The following VGLL4 variants were observed in gnomAD, a reference collection of about 807,000 sequenced individuals.
The protein encoded by VGLL4 is transcription cofactor vestigial-like protein 4.
Under a neutral mutation model 21.0 loss-of-function variants are expected in VGLL4, and 7 were observed. The observed-to-expected ratio is 0.33, with a 90% CI of 0.19 to 0.63. The LOEUF (loss-of-function observed/expected upper bound fraction) is 0.63, where lower values mean the gene tolerates loss of function less well. Ranked by LOEUF, VGLL4 falls within the 20% of genes least tolerant of loss-of-function variation. The probability of loss-of-function intolerance (pLI) is 0.78; values close to 1 mark genes in which losing one functional copy is unlikely to be tolerated. For missense variants in VGLL4, 394 were observed against 425.7 expected, an observed-to-expected ratio of 0.93 and a Z score of 0.66; for synonymous variants, 222 against 173.2, an observed-to-expected ratio of 1.28 and a Z score of -2.21.
intron 1 of VGLL4, 35 bp from the exon 2 acceptor site, chr3:11,602,057 G>T: frequency 6.7e-7 from 1 of 1,482,890 alleles, no homozygotes; most frequent in South Asian, 1.4e-5. Context: ...CACTAAGCAG[G>T]AGAAAGGCCC....
chr3:11,660,517 C>A (rs2076023073), intron 2 of VGLL4, among the ~76,000 whole-genome samples: 1 of 152,200 alleles, frequency 6.6e-6, no homozygotes, highest in Admixed American at 6.5e-5. Flanking sequence ...TCTACCCTTT[C>A]TGTTGGATTC....
intron 2 of VGLL4, among the ~76,000 whole-genome samples, chr3:11,663,876 T>C (rs575623002): frequency 1.3e-5 from 2 of 152,306 alleles, no homozygotes; most frequent in East Asian, 3.9e-4. Flanking sequence ...GAAAACACAT[T>C]TGTCATTTCT....
chr3:11,567,515 C>T lies in VGLL4; in HGVS notation c.273-2496G>A, dbSNP rs2073592466. 2.6e-5 allele frequency among the ~76,000 whole-genome samples: 4 copies of T among 152,306 alleles called. No individual in the cohort carries two copies. In the South Asian group the frequency reaches 6.2e-4, roughly 24 times the overall value. On this transcript the variant is annotated intron_variant, in intron 2 of 4. Coordinates refer to ENST00000430365, the MANE Select transcript of VGLL4 (RefSeq NM_001128219.3). ...GAGTCTAGATAGTAGGTTCCATCCA[C>T]GCCACACACATCCTGGCGATTTTCA...
At chr3:11,563,768 T>C (rs185218974) in intron 3 of VGLL4, among the ~76,000 whole-genome samples, 1 of 152,276 alleles carries the variant, frequency 6.6e-6, no homozygotes, top group African/African-American at 2.4e-5. Context: ...TGCCATTTTG[T>C]TAAATGGATG....
At position 11,714,077 on chromosome 3, in the gene VGLL4, A is replaced by T. The variant is rs549082675; in HGVS notation, c.-14+6317T>A. ...GGTTATTGTAATACAGTTTGGTATC[A>T]GTGTAAACTATACAAATGCACAGAC... On this transcript the variant is annotated intron_variant, in intron 1 of 5. Transcript: ENST00000273038. 4.6e-5 allele frequency among the ~76,000 whole-genome samples: 7 copies of T among 152,334 alleles called. No homozygotes were observed. In the South Asian group the frequency reaches 6.2e-4, roughly 14 times the overall value.
rs183931708 is a variant in VGLL4, at chr3:11,658,057, C to T, written c.64+44914G>A. ...GGCGATCCTCCAACCTCTCAGTCTC[C>T]GGAGCAGCTGATACTACAAATGTGC... is the stretch of plus-strand genomic sequence containing the variant. On this transcript the variant is annotated intron_variant, in intron 2 of 5. Coordinates refer to the VGLL4 transcript ENST00000273038. Among the ~76,000 whole-genome samples the T allele has an allele frequency of 8.6e-5, 13 of 152,040 alleles. No homozygotes were observed. In the East Asian group the frequency reaches 1.4e-3, roughly 16 times the overall value.
intron 2 of VGLL4, 35 bp downstream of exon 2, chr3:11,601,798 C>A (rs754942164): frequency 6.2e-7 from 1 of 1,609,564 alleles, no homozygotes. Flanking sequence ...CAGCACGGAG[C>A]ACCCTTAAGC....
At chr3:11,626,596 G>C in intron 1 of VGLL4, 1 of 308,904 alleles carries the variant, frequency 3.2e-6, no homozygotes, top group Non-Finnish European at 6.5e-6. Context: ...AAGAGCTATG[G>C]TTATCCCACC....
intron 2 of VGLL4, among the ~76,000 whole-genome samples, chr3:11,701,144 G>C (rs1188585517): frequency 6.6e-6 from 1 of 152,114 alleles, no homozygotes; most frequent in Admixed American, 6.5e-5. Flanking sequence ...TGGAAGCAAG[G>C]CCTAGTATGA....
chr3:11,638,457 C>G (rs1365281684), intron 1 of VGLL4, among the ~76,000 whole-genome samples: 1 of 152,130 alleles, frequency 6.6e-6, no homozygotes, highest in Non-Finnish European at 1.5e-5. Flanking sequence ...GCCAGGCCAG[C>G]TCTCTCGCAG....
Position 11,684,730 on chromosome 3 carries a change from C to CTGTGTGTGTGTGTGTGTG in VGLL4, c.64+18223_64+18240dup, listed in dbSNP as rs61220485. Among the ~76,000 whole-genome samples, 1,011 of 148,764 alleles carry CTGTGTGTGTGTGTGTGTG rather than the reference C, an allele frequency of 6.8e-3. 8 individuals carry two copies. The highest frequency in any genetic ancestry group is 9.2e-3 in the Non-Finnish European group (620 of 67,276). On this transcript the variant is annotated intron_variant, in intron 2 of 5. Coordinates refer to the VGLL4 transcript ENST00000273038. Reference sequence around the variant, plus strand: ...ACTGGCCAACTGTTTCAACCTTTTTCTGTGTGTGTGTGTGTGTGTGTGTGT... The same window carrying CTGTGTGTGTGTGTGTGTG: ...ACTGGCCAACTGTTTCAACCTTTTTCTGTGTGTGTGTGTGTGTGTGTGTGTGTGTGTGTGTGTGTGTGT...
At chr3:11,714,376 T>G (rs2076890593) in intron 1 of VGLL4, among the ~76,000 whole-genome samples, 1 of 152,114 alleles carries the variant, frequency 6.6e-6, no homozygotes, top group Admixed American at 6.5e-5. Flanking sequence ...TCCCAACATT[T>G]TTCAACACTG....
At chr3:11,588,462 G>A (rs1009639169) in intron 2 of VGLL4, among the ~76,000 whole-genome samples, 1 of 152,230 alleles carries the variant, frequency 6.6e-6, no homozygotes, top group African/African-American at 2.4e-5. Context: ...ACAGGCAGAC[G>A]CCCATGGAGA....
chr3:11,573,369 AAGAAAGAAAG>A (rs1559870690), intron 2 of VGLL4, among the ~76,000 whole-genome samples: 1 of 144,258 alleles, frequency 6.9e-6, no homozygotes, highest in African/African-American at 2.6e-5. Flanking sequence ...GAAAGAAAGA[AAGAAAGAAAG>A]AAAGAAAGAA....
chr3:11,613,990 G>A (rs1215811305), intron 1 of VGLL4, among the ~76,000 whole-genome samples: 12 of 152,204 alleles, frequency 7.9e-5, no homozygotes, highest in African/African-American at 2.9e-4. Context: ...AGGAGCCGGC[G>A]ACGTCATCTC....
chr3:11,713,817 G>C (rs1047960150), intron 1 of VGLL4, among the ~76,000 whole-genome samples: 28 of 151,928 alleles, frequency 1.8e-4, no homozygotes, highest in African/African-American at 6.3e-4. Flanking sequence ...GACCTCAACA[G>C]AAAGTGAGAC....
intron 1 of VGLL4, among the ~76,000 whole-genome samples, chr3:11,603,967 G>A (rs1361019481): frequency 2.6e-5 from 4 of 152,124 alleles, no homozygotes; most frequent in Non-Finnish European, 4.4e-5. Flanking sequence ...AAAAATTCTC[G>A]TGCTTGTTTG....
chr3:11,716,570 G>A (rs1267108153), intron 1 of VGLL4, among the ~76,000 whole-genome samples: 3 of 152,050 alleles, frequency 2.0e-5, no homozygotes, highest in African/African-American at 4.8e-5. Flanking sequence ...ATGGAACCAC[G>A]AAAAATGAGG....
intron 2 of VGLL4, among the ~76,000 whole-genome samples, chr3:11,582,819 G>GC (rs1448601788): frequency 6.6e-6 from 1 of 152,140 alleles, no homozygotes; most frequent in East Asian, 1.9e-4. Context: ...TGCTGCAGCC[G>GC]CAACTACAGT....
Sources: allele counts gnomAD v4.1 joint callset (sites outside exome capture counted in the v4.1 genomes callset), GRCh38; gene constraint gnomAD v4.1.1; transcripts MANE v1.5; gene names NCBI Gene and HGNC (gene_info 2026-07-23, HGNC 2026-07-21).